ZBTB7B: variants seen among roughly 807,000 people sequenced by gnomAD.
ZBTB7B encodes zinc finger and BTB domain-containing protein 7B.
A neutral mutation model predicts 31.0 loss-of-function variants in ZBTB7B; 8 were observed. That is an observed-to-expected ratio of 0.26 (90% confidence interval 0.15 to 0.47). The LOEUF is 0.47. Among genes scored for constraint, ZBTB7B ranks in the 20% least tolerant of loss-of-function variants. The pLI is 0.99. For synonymous variants in ZBTB7B, 261 were observed against 307.3 expected, an observed-to-expected ratio of 0.85 and a Z score of 1.58; for missense variants, 494 against 742.4, an observed-to-expected ratio of 0.67 and a Z score of 3.89.
rs1659293171 is a variant in ZBTB7B at position 155,015,400 on chromosome 1, G to T, written c.740G>T (p.Gly247Val). ...GCGGGCAGAGTGGGCAGCAGTGGGGGCAGTGGGCCGGGGGACAGCTACAGC... is the reference window on the plus strand; with the variant it reads ...GCGGGCAGAGTGGGCAGCAGTGGGGTCAGTGGGCCGGGGGACAGCTACAGC... ...EVAGRVGSSGGSGPGDSYSPP... is the reference protein window; with the variant it reads ...EVAGRVGSSGVSGPGDSYSPP... The change falls in exon 2 of 3, where the codon GGC (glycine) becomes GTC (valine). Residue 247 changes from glycine (G) to valine (V), a missense_variant. By Grantham distance (109) the Gly-to-Val change is moderately radical. Transcript: ENST00000535420. 6.4e-7 allele frequency: 1 copy of T among 1,569,790 alleles called. No individual in the cohort carries two copies. Among genetic ancestry groups the T allele is most frequent in the Non-Finnish European group, 8.7e-7 (1 of 1,155,382 alleles).
intron 1 of ZBTB7B, among the ~76,000 whole-genome samples, chr1:155,008,231 T>C (rs1163076716): frequency 6.6e-6 from 1 of 152,062 alleles, no homozygotes; most frequent in Middle Eastern, 3.2e-3. Flanking sequence ...CTGGCATGAG[T>C]GCTGCCCCCT....
intron 1 of ZBTB7B, among the ~76,000 whole-genome samples, chr1:155,012,964 A>G (rs985957280): frequency 2.6e-5 from 4 of 152,064 alleles, no homozygotes; most frequent in Admixed American, 2.6e-4. Flanking sequence ...TTCCTCAGGA[A>G]AGGAAGTGAC....
chr1:155,005,351 C>A (rs1368149134), intron 1 of ZBTB7B, among the ~76,000 whole-genome samples: 1 of 152,190 alleles, frequency 6.6e-6, no homozygotes, highest in Non-Finnish European at 1.5e-5. Flanking sequence ...AGAGAACCAG[C>A]CCCTGATCCT....
At position 155,016,580 on chromosome 1, in the gene ZBTB7B, A is replaced by G. The variant is rs1210917350; in HGVS notation, c.1515A>G (p.Ser505=). 6.2e-7 allele frequency: 1 copy of G among 1,613,826 alleles called. No individual in the cohort carries two copies. Among genetic ancestry groups the G allele is most frequent in the Non-Finnish European group, 8.5e-7 (1 of 1,179,780 alleles). The change falls in exon 3 of 3, where the codon TCA becomes TCG. Residue 505 remains serine, a synonymous_variant. Coordinates refer to ENST00000535420, the MANE Select transcript of ZBTB7B (RefSeq NM_001256455.2). The surrounding 1 kb of genome is among the most constrained non-coding windows in gnomAD (Gnocchi z 4.3). The part of the protein sequence containing the change: ...RLSLARFWEQ[S]APTGPPVSTP... The stretch of plus-strand genomic sequence containing the variant: ...CTCTAGCTCGATTCTGGGAGCAGTC[A>G]GCCCCCACTGGGCCCCCGGTCTCTA...
At chr1:155,011,051 C>T (rs1053476077) in intron 1 of ZBTB7B, 21 of 1,489,532 alleles carry the variant, frequency 1.4e-5, no homozygotes, top group Admixed American at 5.9e-5. Context: ...GGGGGCTCTG[C>T]GTGCCTGTGT....
In ZBTB7B at chr1:155,016,070, A is replaced by T; in HGVS notation, c.1155-150A>T. The stretch of plus-strand genomic sequence containing the variant: ...GATAATGACAAGGCCTAGTTAAGCT[A>T]GAGGTGAGCTAGCAGGGTATCTCCT... On this transcript the variant is annotated intron_variant, in intron 2 of 2. Transcript: ENST00000535420. The surrounding 1 kb of genome is among the most constrained non-coding windows in gnomAD (Gnocchi z 4.3). The T allele has an allele frequency of 1.1e-6, 1 of 916,268 alleles. No individual in the cohort carries two copies. The highest frequency in any genetic ancestry group is 1.6e-6 in the Non-Finnish European group (1 of 609,424). 56.8% of individuals were successfully genotyped at this position (916,268 alleles called of 1,614,324 possible). A position where few individuals can be genotyped will look rare whatever the true frequency, so the allele number is the denominator to read the frequency against.
At position 155,016,752 on chromosome 1, in the gene ZBTB7B, G is replaced by A. The variant is rs1370095021; in HGVS notation, c.*67G>A. 8.6e-6 allele frequency: 8 copies of A among 929,416 alleles called. No homozygotes were observed. The highest frequency in any genetic ancestry group is 1.3e-5 in the Non-Finnish European group (8 of 621,144). 57.6% of individuals were successfully genotyped at this position (929,416 alleles called of 1,614,324 possible). On this transcript the variant is annotated 3_prime_UTR_variant, in exon 3 of 3. Transcript: ENST00000535420. This position sits in a 1 kb window ranked among gnomAD's most constrained non-coding sequence, Gnocchi z 4.3. ...CACCCATGCCAAGCAGTGGGAGCAC[G>A]CAGGACAGACACAGCAGGGGTCTGG...
At chr1:155,006,153 C>A (rs1658545125) in intron 1 of ZBTB7B, among the ~76,000 whole-genome samples, 1 of 152,182 alleles carries the variant, frequency 6.6e-6, no homozygotes, top group Admixed American at 6.5e-5. Flanking sequence ...CCCTGAGTTG[C>A]CATCTTTAAT....
At position 155,016,133 on chromosome 1, in the gene ZBTB7B, A is replaced by G; in HGVS notation, c.1155-87A>G. ...GGGTAACAAATGGTGAGGAACAGGGATGGGACAAGGCCAGGGTGGGATGAC... is the reference window on the plus strand; with the variant it reads ...GGGTAACAAATGGTGAGGAACAGGGGTGGGACAAGGCCAGGGTGGGATGAC... On this transcript the variant is annotated intron_variant, in intron 2 of 2. Coordinates refer to ENST00000535420, the MANE Select transcript of ZBTB7B (RefSeq NM_001256455.2). This position sits in a 1 kb window ranked among gnomAD's most constrained non-coding sequence, Gnocchi z 4.3. 1 of 1,412,066 alleles carries G rather than the reference A, an allele frequency of 7.1e-7. No individual in the cohort carries two copies. Among genetic ancestry groups the G allele is most frequent in the Non-Finnish European group, 9.8e-7 (1 of 1,023,584 alleles). The allele number at this position is 1,412,066 out of a possible 1,614,324, so 87.5% of individuals were successfully genotyped here. A position where few individuals can be genotyped will look rare whatever the true frequency, so the allele number is the denominator to read the frequency against.
Position 155,015,266 on chromosome 1 carries a change from C to G in ZBTB7B, c.606C>G (p.Arg202=), listed in dbSNP as rs757052554. ...CTCGGCCTGTTGCCCGCCGCAGCCG[C>G]AAGCCCCGGAAAGCTTTCCTGCAAA... ...PPPRPVARRS[R]KPRKAFLQTK... is the part of the protein sequence containing the mutation. The change falls in exon 2 of 3, where the codon CGC becomes CGG. Residue 202 remains arginine (R), a synonymous_variant. Transcript: ENST00000535420. The G allele has an allele frequency of 1.2e-6, 2 of 1,613,796 alleles. No homozygotes were observed. The highest frequency in any genetic ancestry group is 1.7e-6 in the Non-Finnish European group (2 of 1,179,936).
Position 155,003,419 on chromosome 1 carries a change from T to G in ZBTB7B, c.-7+476T>G. On this transcript the variant is annotated intron_variant, in intron 1 of 2. Coordinates refer to ENST00000535420, the MANE Select transcript of ZBTB7B (RefSeq NM_001256455.2). The surrounding 1 kb of genome is among the most constrained non-coding windows in gnomAD (Gnocchi z 5.8). The stretch of plus-strand genomic sequence containing the variant: ...TGGCCCCAGGCCAGTTGCATGGGGG[T>G]TGGGGGGGCGCAGGAGGAGCCGCGG... Among the ~76,000 whole-genome samples the G allele has an allele frequency of 6.7e-6, 1 of 150,110 alleles. No individual in the cohort carries two copies. The highest frequency in any genetic ancestry group is 2.4e-5 in the African/African-American group (1 of 40,916).
At position 155,018,409 on chromosome 1, in the gene ZBTB7B, C is replaced by T; in HGVS notation, c.*1724C>T. The T allele has an allele frequency of 1.1e-6, 1 of 919,528 alleles. No homozygotes were observed. Among genetic ancestry groups the T allele is most frequent in the South Asian group, 1.8e-5 (1 of 56,832 alleles). The allele number at this position is 919,528 out of a possible 1,614,324, so 57.0% of individuals were successfully genotyped here. A position where few individuals can be genotyped will look rare whatever the true frequency, so the allele number is the denominator to read the frequency against. ...TCCCTTCTCCCTACTTTCGGCTTTC[C>T]CAGTCAGTGCCTTAGGGGGAGAGGC... On this transcript the variant is annotated 3_prime_UTR_variant, in exon 3 of 3. Transcript: ENST00000535420.
At chr1:155,011,830 T>C (rs1054829692) in intron 1 of ZBTB7B, among the ~76,000 whole-genome samples, 7 of 152,320 alleles carry the variant, frequency 4.6e-5, no homozygotes, top group Admixed American at 6.5e-5. Flanking sequence ...TGCCCTGCCC[T>C]GGCAGAAAGA....
chr1:155,012,786 T>C (rs1659081236), intron 1 of ZBTB7B, among the ~76,000 whole-genome samples: 1 of 150,088 alleles, frequency 6.7e-6, no homozygotes. Flanking sequence ...ATTTGTGGCT[T>C]GACTCCCCCA....
rs896730425 is a variant in ZBTB7B, at chr1:155,015,389, C to T, written c.729C>T (p.Gly243=). The change falls in exon 2 of 3, where the codon GGC becomes GGT. Residue 243 remains glycine, a synonymous_variant. Transcript: ENST00000535420. ...YEEEEVAGRV[G]SSGGSGPGDS... ...AGGAGGAGGTGGCGGGCAGAGTGGGCAGCAGTGGGGGCAGTGGGCCGGGGG... is the reference window on the plus strand; with the variant it reads ...AGGAGGAGGTGGCGGGCAGAGTGGGTAGCAGTGGGGGCAGTGGGCCGGGGG... 6.4e-7 allele frequency: 1 copy of T among 1,571,670 alleles called. No homozygotes were observed. The highest frequency in any genetic ancestry group is 8.6e-7 in the Non-Finnish European group (1 of 1,156,234).
In ZBTB7B at chr1:155,017,304, CG is replaced by C. The variant is rs1276361618; in HGVS notation, c.*620del. On this transcript the variant is annotated 3_prime_UTR_variant, in exon 3 of 3. Transcript: ENST00000535420. The stretch of plus-strand genomic sequence containing the variant: ...TGCTCCCGGCGCTGAGTCATGGGGT[CG>C]TGGAGAAGGGGGCGGGGTGGCCTGA... 1.4e-5 allele frequency: 2 copies of C among 139,456 alleles called. No homozygotes were observed. Among genetic ancestry groups the C allele is most frequent in the Non-Finnish European group, 3.2e-5 (2 of 61,556 alleles). 8.6% of individuals were successfully genotyped at this position (139,456 alleles called of 1,614,324 possible). A position where few individuals can be genotyped will look rare whatever the true frequency, so the allele number is the denominator to read the frequency against.
Position 155,004,193 on chromosome 1 carries a change from G to A in ZBTB7B, c.-7+1250G>A, listed in dbSNP as rs921922563. On this transcript the variant is annotated intron_variant, in intron 1 of 2. Transcript: ENST00000535420. The surrounding 1 kb of genome is among the most constrained non-coding windows in gnomAD (Gnocchi z 4.0). ...CACCGGAAGTGGGTGCTGGGGAGAG[G>A]GGGAGACCGGCAGGCTGTCCAGGCT... Among the ~76,000 whole-genome samples the A allele has an allele frequency of 6.6e-6, 1 of 152,188 alleles. No homozygotes were observed. The highest frequency in any genetic ancestry group is 1.9e-4 in the East Asian group (1 of 5,192).
intron 1 of ZBTB7B, among the ~76,000 whole-genome samples, chr1:155,011,551 G>A: frequency 6.6e-6 from 1 of 152,234 alleles, no homozygotes; most frequent in Admixed American, 6.5e-5. Flanking sequence ...AGGGGAGCCT[G>A]GGGGGGTGGC....
At chr1:155,010,893 G>A in intron 1 of ZBTB7B, 2 of 1,530,236 alleles carry the variant, frequency 1.3e-6, no homozygotes, top group Non-Finnish European at 1.8e-6. Flanking sequence ...AAGAGCCTCA[G>A]GTCTCTCCAT....
Sources: allele counts gnomAD v4.1 joint callset (sites outside exome capture counted in the v4.1 genomes callset), GRCh38; gene constraint gnomAD v4.1.1; non-coding constraint Gnocchi (gnomAD v3.1); transcripts MANE v1.5; gene names NCBI Gene and HGNC (gene_info 2026-07-23, HGNC 2026-07-21).